Variants in LRRC49 observed in about 807,000 individuals in gnomAD.
LRRC49 encodes leucine-rich repeat-containing protein 49.
In LRRC49, 50 loss-of-function variants were observed where a neutral mutation model predicts 83.3. The ratio of observed to expected loss-of-function variants is 0.60; its 90% confidence interval spans 0.48 to 0.76. The LOEUF is 0.76. Ranked by LOEUF, LRRC49 falls within the 30% of genes least tolerant of loss-of-function variation. The pLI, the probability that LRRC49 is intolerant of heterozygous loss-of-function variation, is 0.00. For synonymous variants in LRRC49, 286 were observed against 283.3 expected (o/e 1.01, Z -0.10); for missense variants, 704 against 809.1 (o/e 0.87, Z 1.58).
intron 3 of LRRC49, among the ~76,000 whole-genome samples, chr15:70,896,374 C>T (rs1478593680): frequency 6.6e-6 from 1 of 152,092 alleles, no homozygotes; most frequent in East Asian, 1.9e-4. Flanking sequence ...TAGTGTCTAT[C>T]ACTTGGGATC....
At chr15:70,892,487 T>C (rs2033623411), upstream of LRRC49, 1 of 1,525,016 alleles carries the variant, frequency 6.6e-7, no homozygotes, top group Admixed American at 2.0e-5. Context: ...CTCCCTGCGC[T>C]GCTCCCCAGG....
intron 2 of LRRC49, chr15:70,881,529 C>G (rs567427081): frequency 6.6e-6 from 1 of 152,186 alleles, no homozygotes; most frequent in East Asian, 1.9e-4. Flanking sequence ...AATGGAAGAT[C>G]AGAGTTATAG....
At chr15:70,893,966 C>T (rs1595988804) in intron 2 of LRRC49, among the ~76,000 whole-genome samples, 1 of 151,600 alleles carries the variant, frequency 6.6e-6, no homozygotes, top group African/African-American at 2.4e-5. Context: ...ACAATTTTGG[C>T]TCACTGCAAC....
chr15:70,878,414 TG>T (rs1393309619), intron 2 of LRRC49, among the ~76,000 whole-genome samples: 2 of 152,232 alleles, frequency 1.3e-5, no homozygotes, highest in Non-Finnish European at 2.9e-5. Context: ...CATTTTGTTT[TG>T]CCATTTCTTC....
intron 1 of LRRC49, among the ~76,000 whole-genome samples, chr15:70,864,297 G>A (rs2141071553): frequency 6.6e-6 from 1 of 152,222 alleles, no homozygotes; most frequent in East Asian, 1.9e-4. Flanking sequence ...CAAGAACTTG[G>A]TGCCTAATCA....
At chr15:70,860,849 C>T (rs2032772433) in intron 1 of LRRC49, among the ~76,000 whole-genome samples, 1 of 152,192 alleles carries the variant, frequency 6.6e-6, no homozygotes, top group South Asian at 2.1e-4. Flanking sequence ...CATTTCCCAG[C>T]CTGCCTTGCA....
chr15:71,015,038 A>G (rs1165424522), intron 14 of LRRC49, among the ~76,000 whole-genome samples: 1 of 152,196 alleles, frequency 6.6e-6, no homozygotes, highest in African/African-American at 2.4e-5. Context: ...ACTCATACAG[A>G]TCACATTTTC....
chr15:70,970,717 G>T (rs1050285683), intron 9 of LRRC49, among the ~76,000 whole-genome samples: 1 of 152,134 alleles, frequency 6.6e-6, no homozygotes, highest in Non-Finnish European at 1.5e-5. Context: ...TCTTGGGAGG[G>T]TATATGTGTC....
At chr15:70,990,228 C>T (rs182125544) in intron 11 of LRRC49, among the ~76,000 whole-genome samples, 18 of 152,304 alleles carry the variant, frequency 1.2e-4, no homozygotes, top group African/African-American at 3.8e-4. Flanking sequence ...CTGTGCCCTG[C>T]CCCCAGAGGT....
At position 70,859,837 on chromosome 15, in the gene LRRC49, G is replaced by A. The variant is rs1240319087; in HGVS notation, c.-299+6368G>A. 6.5e-6 allele frequency: 5 copies of A among 764,716 alleles called. No individual in the cohort carries two copies. In the African/African-American group the frequency reaches 8.5e-5, roughly 13 times the overall value. The allele number at this position is 764,716 out of a possible 1,614,324, so 47.4% of individuals were successfully genotyped here. A position where few individuals can be genotyped will look rare whatever the true frequency, so the allele number is the denominator to read the frequency against. On this transcript the variant is annotated intron_variant, in intron 1 of 16. Coordinates refer to the LRRC49 transcript ENST00000544974. ...TGGTGTGGCAGCTGCGTGAGTACCA[G>A]GAGCTGATGAATGTCAAGCTGGCCT... is the stretch of plus-strand genomic sequence containing the variant.
chr15:70,933,217 T>A (rs2035477882), intron 7 of LRRC49, among the ~76,000 whole-genome samples: 1 of 152,152 alleles, frequency 6.6e-6, no homozygotes, highest in Non-Finnish European at 1.5e-5. Context: ...CATAAAATAG[T>A]TTTGAATTTT....
Position 71,009,045 on chromosome 15 carries a change from C to T in LRRC49, c.1407+429C>T, listed in dbSNP as rs148235069. ...ATTAAAATTACTTTGAGAAATTAGC[C>T]TTCCTCAATTATGGTGTCATTGTAT... On this transcript the variant is annotated intron_variant, in intron 12 of 15. Transcript: ENST00000260382. Among the ~76,000 whole-genome samples, 1,315 of 151,666 alleles carry T rather than the reference C, an allele frequency of 8.7e-3. 22 individuals are homozygous for T. Among genetic ancestry groups the T allele is most frequent in the African/African-American group, 0.029 (1,208 of 41,412 alleles).
chr15:70,869,502 C>T lies in LRRC49; in HGVS notation c.-298-3406C>T, dbSNP rs2032983883. ...GTCTATCAAACACTGTACTGCTAAACCCAGAAACTAGGGCTAGACAGCTGT... is the reference window on the plus strand; with the variant it reads ...GTCTATCAAACACTGTACTGCTAAATCCAGAAACTAGGGCTAGACAGCTGT... On this transcript the variant is annotated intron_variant, in intron 1 of 16. Coordinates refer to the LRRC49 transcript ENST00000544974. Among the ~76,000 whole-genome samples, 3 of 152,118 alleles carry T rather than the reference C, an allele frequency of 2.0e-5. No individual in the cohort carries two copies. The South Asian group carries it at 6.2e-4, about 32-fold the overall frequency.
intron 8 of LRRC49, among the ~76,000 whole-genome samples, chr15:70,957,543 T>C (rs1236879363): frequency 6.6e-6 from 1 of 152,190 alleles, no homozygotes; most frequent in Non-Finnish European, 1.5e-5. Context: ...ATTTTTTTCA[T>C]TCATTCACCG....
chr15:70,877,901 A>G (rs1374664455), intron 2 of LRRC49, among the ~76,000 whole-genome samples: 3 of 152,160 alleles, frequency 2.0e-5, no homozygotes, highest in Admixed American at 6.5e-5. Flanking sequence ...AGGCTGAGGC[A>G]GGTGGATCAC....
intron 9 of LRRC49, among the ~76,000 whole-genome samples, chr15:70,975,865 T>C (rs2037188271): frequency 6.6e-6 from 1 of 152,110 alleles, no homozygotes; most frequent in Admixed American, 6.5e-5. Context: ...TGTTCACCAA[T>C]ATGCTCTGGT....
At chr15:70,960,371 C>T (rs371667181) in intron 8 of LRRC49, among the ~76,000 whole-genome samples, 7 of 152,124 alleles carry the variant, frequency 4.6e-5, no homozygotes, top group East Asian at 3.9e-4. Context: ...AAAGTCCAGT[C>T]GTTGAGCCCA....
intron 1 of LRRC49, among the ~76,000 whole-genome samples, chr15:70,863,210 T>C (rs1267797785): frequency 3.3e-5 from 5 of 152,334 alleles, no homozygotes; most frequent in Middle Eastern, 3.4e-3. Flanking sequence ...AAATGTATAG[T>C]CCTGCATCTT....
intron 9 of LRRC49, among the ~76,000 whole-genome samples, chr15:70,974,037 G>T (rs979761685): frequency 2.6e-5 from 4 of 152,218 alleles, no homozygotes; most frequent in Non-Finnish European, 5.9e-5. Context: ...TGAGGCTGGA[G>T]AATCACTTGA....
Sources: allele counts gnomAD v4.1 joint callset (sites outside exome capture counted in the v4.1 genomes callset), GRCh38; gene constraint gnomAD v4.1.1; transcripts MANE v1.5; gene names NCBI Gene and HGNC (gene_info 2026-07-23, HGNC 2026-07-21).